PALD1: variants seen among roughly 807,000 people sequenced by gnomAD.
PALD1 encodes paladin.
PALD1 carries 57 observed loss-of-function variants against 96.0 expected under a neutral mutation model. That is an observed-to-expected ratio of 0.59 (90% confidence interval 0.48 to 0.74). The LOEUF is 0.74. Ranked by LOEUF, PALD1 falls within the 30% of genes least tolerant of loss-of-function variation. The pLI, the probability that PALD1 is intolerant of heterozygous loss-of-function variation, is 0.00. For missense variants in PALD1, 1,063 were observed against 1,143.7 expected, an observed-to-expected ratio of 0.93 and a Z score of 1.02; for synonymous variants, 464 against 473.6, an observed-to-expected ratio of 0.98 and a Z score of 0.26.
intron 19 of PALD1, 95 bp downstream of exon 19, chr10:70,564,614 G>A (rs541025154): frequency 5.8e-5 from 69 of 1,196,812 alleles, no homozygotes; most frequent in South Asian, 4.0e-4. Flanking sequence ...GGCCTGCGGG[G>A]ACCCCGTGAC....
At chr10:70,557,572 G>T (rs985059502) in intron 18 of PALD1, among the ~76,000 whole-genome samples, 6 of 152,208 alleles carry the variant, frequency 3.9e-5, no homozygotes, top group African/African-American at 1.4e-4. Context: ...GTCCTTCCAG[G>T]GGTTAGGTAC....
At chr10:70,557,333 A>G (rs975073063) in intron 18 of PALD1, among the ~76,000 whole-genome samples, 1 of 151,758 alleles carries the variant, frequency 6.6e-6, no homozygotes, top group Non-Finnish European at 1.5e-5. Context: ...GGCAGGCTCT[A>G]TGGGCTACAT....
chr10:70,513,707 T>A (rs545642939), intron 1 of PALD1, among the ~76,000 whole-genome samples: 1 of 152,324 alleles, frequency 6.6e-6, no homozygotes, highest in African/African-American at 2.4e-5. Context: ...TTAACTTATT[T>A]ATCCAGCATA....
chr10:70,562,620 C>T (rs1281958918), intron 18 of PALD1, among the ~76,000 whole-genome samples: 1 of 152,182 alleles, frequency 6.6e-6, no homozygotes, highest in Non-Finnish European at 1.5e-5. Flanking sequence ...GTTCCTGGTG[C>T]CCGAGGGATG....
chr10:70,505,679 C>A (rs564638866), intron 1 of PALD1, among the ~76,000 whole-genome samples: 1 of 151,952 alleles, frequency 6.6e-6, no homozygotes, highest in East Asian at 1.9e-4. Context: ...GCCAAATACT[C>A]ATATCTGAAA....
At chr10:70,463,416 T>TA in the PALD1 span, among the ~76,000 whole-genome samples, 10 of 151,624 alleles carry the variant, frequency 6.6e-5, no homozygotes, top group Non-Finnish European at 1.3e-4. Context: ...AAAGAACAGG[T>TA]AAAGCAGGTA....
chr10:70,519,749 AT>A (rs1846692483), intron 1 of PALD1, among the ~76,000 whole-genome samples: 2 of 151,340 alleles, frequency 1.3e-5, no homozygotes, highest in African/African-American at 4.9e-5. Flanking sequence ...TAATTTTTGT[AT>A]TTTTAGTAGA....
At chr10:70,471,452 C>A in the PALD1 span, among the ~76,000 whole-genome samples, 2 of 152,336 alleles carry the variant, frequency 1.3e-5, no homozygotes, top group South Asian at 4.1e-4. Flanking sequence ...TGGTCAACAC[C>A]ACTGTGGTCA....
intron 1 of PALD1, among the ~76,000 whole-genome samples, chr10:70,496,035 C>T (rs1846189966): frequency 6.6e-6 from 1 of 151,620 alleles, no homozygotes; most frequent in Non-Finnish European, 1.5e-5. Flanking sequence ...ACAACAACAA[C>T]AACAGCAGTA....
intron 1 of PALD1, among the ~76,000 whole-genome samples, chr10:70,488,976 G>A (rs1168917980): frequency 6.6e-6 from 1 of 151,534 alleles, no homozygotes; most frequent in Non-Finnish European, 1.5e-5. Flanking sequence ...TCCTTCTGCC[G>A]CTTCACCAAT....
chr10:70,486,557 T>G (rs12779369), intron 1 of PALD1, among the ~76,000 whole-genome samples: 1 of 152,022 alleles, frequency 6.6e-6, no homozygotes, highest in Non-Finnish European at 1.5e-5. Flanking sequence ...GGTCAGGAGT[T>G]CAAGACCAGC....
At chr10:70,468,411 T>C in the PALD1 span, among the ~76,000 whole-genome samples, 16 of 152,036 alleles carry the variant, frequency 1.1e-4, no homozygotes, top group Admixed American at 2.6e-4. Flanking sequence ...GCCCAGCTAA[T>C]TTTTGTATTT....
intron 1 of PALD1, among the ~76,000 whole-genome samples, chr10:70,505,784 G>A (rs970382108): frequency 6.6e-6 from 1 of 152,110 alleles, no homozygotes; most frequent in Non-Finnish European, 1.5e-5. Context: ...ATTTTGGGAG[G>A]CTGAGGTGGG....
chr10:70,482,277 G>T (rs532002640), intron 1 of PALD1, among the ~76,000 whole-genome samples: 86 of 152,282 alleles, frequency 5.6e-4, no homozygotes, highest in Non-Finnish European at 9.4e-4. Flanking sequence ...CTGGGCGGGC[G>T]TATGGAAGCT....
chr10:70,474,939 G>A (rs1174044900), upstream of PALD1, among the ~76,000 whole-genome samples: 1 of 152,150 alleles, frequency 6.6e-6, no homozygotes, highest in Admixed American at 6.5e-5. Context: ...ATTGCCTGGA[G>A]GAGGAACCTG....
chr10:70,550,175 GC>G (rs1847453163), intron 18 of PALD1, among the ~76,000 whole-genome samples: 1 of 152,218 alleles, frequency 6.6e-6, no homozygotes, highest in African/African-American at 2.4e-5. Flanking sequence ...TTTAAACCAT[GC>G]TGTGGCAGAG....
intron 1 of PALD1, among the ~76,000 whole-genome samples, chr10:70,520,228 G>A (rs547110870): frequency 1.3e-5 from 2 of 152,292 alleles, no homozygotes; most frequent in East Asian, 3.9e-4. Context: ...TTTTGGAAAA[G>A]CTACCAGTCA....
the PALD1 span, among the ~76,000 whole-genome samples, chr10:70,468,903 C>T: frequency 6.6e-6 from 1 of 152,244 alleles, no homozygotes; most frequent in Admixed American, 6.5e-5. Flanking sequence ...AGACTAGGGG[C>T]ACACAGCTGG....
chr10:70,554,455 G>T (rs908497368), intron 18 of PALD1, among the ~76,000 whole-genome samples: 6 of 144,050 alleles, frequency 4.2e-5, no homozygotes, highest in Non-Finnish European at 7.8e-5. Context: ...CAAACAAACT[G>T]CCTCAAAAGG....
Sources: gnomAD v4.1 joint callset for allele counts (sites outside exome capture counted in the v4.1 genomes callset) on GRCh38, gnomAD v4.1.1 for gene constraint, MANE v1.5 for transcripts, NCBI Gene and HGNC (gene_info 2026-07-23, HGNC 2026-07-21) for gene names.